Variants in CBLC observed in about 807,000 individuals in gnomAD.
CBLC encodes Cbl proto-oncogene C, also known as E3 ubiquitin-protein ligase CBL-C.
A neutral mutation model predicts 58.6 loss-of-function variants in CBLC; 46 were observed. The ratio of observed to expected loss-of-function variants is 0.79; its 90% CI spans 0.62 to 1.00. The LOEUF (loss-of-function observed/expected upper bound fraction) is 1.00, where lower values mean the gene tolerates loss of function less well. CBLC is among the 50% of genes least tolerant of loss of function. The pLI is 0.00. For missense variants in CBLC, 655 were observed against 625.8 expected (o/e 1.05, Z -0.50); for synonymous variants, 271 against 264.2 (o/e 1.03, Z -0.25).
At position 44,791,241 on chromosome 19, in the gene CBLC, G is replaced by A. The variant is rs527573767; in HGVS notation, c.1006-1142G>A. Among the ~76,000 whole-genome samples, 878 of 151,634 alleles carry A rather than the reference G, an allele frequency of 5.8e-3. 7 individuals carry two copies. The highest frequency in any genetic ancestry group is 0.02 in the African/African-American group (817 of 41,294). On this transcript the variant is annotated intron_variant, in intron 6 of 10. Transcript: ENST00000647358. Reference sequence around the variant, plus strand: ...GGATCACTTGAGCCTGGGAGTTGGCGGTTGCAGTAGGCCAAGATTGCGACC... The same window carrying A: ...GGATCACTTGAGCCTGGGAGTTGGCAGTTGCAGTAGGCCAAGATTGCGACC...
At chr19:44,796,704 C>CCTGT (rs780200053) in intron 9 of CBLC, among the ~76,000 whole-genome samples, 3 of 152,018 alleles carry the variant, frequency 2.0e-5, no homozygotes, top group Non-Finnish European at 4.4e-5. Context: ...TTTAATAAGC[C>CCTGT]CTGTCCTGGC....
intron 5 of CBLC, among the ~76,000 whole-genome samples, chr19:44,784,950 GTT>G (rs58171575): frequency 2.3e-3 from 80 of 34,372 alleles, no homozygotes; most frequent in African/African-American, 6.2e-3. Flanking sequence ...CTAGACAGGT[GTT>G]TTTTTTTTTT....
intron 9 of CBLC, among the ~76,000 whole-genome samples, chr19:44,795,485 C>G (rs1358417212): frequency 1.3e-5 from 2 of 151,910 alleles, no homozygotes; most frequent in Non-Finnish European, 2.9e-5. Context: ...CCACTGCACT[C>G]CAGCCTGGGC....
chr19:44,790,184 T>C (rs1227437814), intron 6 of CBLC, 93 bp downstream of exon 6: 3 of 935,150 alleles, frequency 3.2e-6, no homozygotes, highest in Admixed American at 1.8e-5. Flanking sequence ...GAATGTTGGC[T>C]TGGTGGCTCT....
Position 44,781,000 on chromosome 19 carries a change from A to T in CBLC, c.449A>T (p.Gln150Leu). 1 of 1,613,556 alleles carries T rather than the reference A, an allele frequency of 6.2e-7. No individual in the cohort carries two copies. The highest frequency in any genetic ancestry group is 8.5e-7 in the Non-Finnish European group (1 of 1,180,000). ...GGAAAGTACTGTGGACACATGTACCAGCTCACCAAGGCCCCCGCCCACACC... is the reference window on the plus strand; with the variant it reads ...GGAAAGTACTGTGGACACATGTACCTGCTCACCAAGGCCCCCGCCCACACC... ...PGGKYCGHMYQLTKAPAHTFW... is the reference protein window; with the variant it reads ...PGGKYCGHMYLLTKAPAHTFW... The change falls in exon 2 of 11, where the codon CAG (glutamine) becomes CTG (leucine). Residue 150 changes from glutamine (Q) to leucine (L), a missense_variant. By Grantham distance (113) the Gln-to-Leu change is moderately radical (BLOSUM62 -2). This residue lies in a region of CBLC where 280 missense variants were observed against 237.2 expected (regional missense o/e 1.18). Transcript: ENST00000647358.
At chr19:44,780,794 CTGT>C in intron 1 of CBLC, 108 bp from the exon 2 acceptor site, 16 of 1,137,654 alleles carry the variant, frequency 1.4e-5, no homozygotes, top group Non-Finnish European at 1.9e-5. Context: ...TTACCTTACA[CTGT>C]TGAGATAGAG....
At chr19:44,783,451 G>C (rs1670361523) in intron 4 of CBLC, among the ~76,000 whole-genome samples, 2 of 152,032 alleles carry the variant, frequency 1.3e-5, no homozygotes, top group Non-Finnish European at 2.9e-5. Flanking sequence ...GGAGGTTGCA[G>C]TGAGCCAAGA....
chr19:44,792,403 G>T lies in CBLC; in HGVS notation c.1026G>T (p.Trp342Cys), dbSNP rs2122488341. The T allele has an allele frequency of 6.2e-7, 1 of 1,613,514 alleles. No homozygotes were observed. Among genetic ancestry groups the T allele is most frequent in the Non-Finnish European group, 8.5e-7 (1 of 1,179,918 alleles). ...GCCAGGAGCAGCTGCAGCTCTACTG[G>T]GCCATGGACTCCACATTTGAGCTCT... ...HVSEEQLQLY[W>C]AMDSTFELCK... is the part of the protein sequence containing the mutation. The change falls in exon 7 of 11, where the codon TGG becomes TGT. Residue 342 changes from tryptophan (W) to cysteine (C), a missense_variant. Around this residue, in one of 3 missense-constraint regions of CBLC, gnomAD observed 371 missense variants for 370.8 expected, o/e 1.00. Coordinates refer to ENST00000647358, the MANE Select transcript of CBLC (RefSeq NM_012116.4).
At chr19:44,784,487 C>G (rs943564565) in intron 5 of CBLC, 86 bp downstream of exon 5, 78 of 1,337,282 alleles carry the variant, frequency 5.8e-5, no homozygotes, top group Middle Eastern at 2.0e-4. Context: ...GTGGCCACCA[C>G]GTTTGAGGGT....
chr19:44,781,908 T>C (rs866235226), intron 3 of CBLC, among the ~76,000 whole-genome samples: 76 of 69,342 alleles, frequency 1.1e-3, no homozygotes, highest in African/African-American at 3.5e-3. Context: ...GGGGCCTGGA[T>C]TCCTGGGTCT....
intron 7 of CBLC, 46 bp from the exon 8 acceptor site, chr19:44,793,428 T>A: frequency 6.5e-7 from 1 of 1,538,440 alleles, no homozygotes; most frequent in Non-Finnish European, 8.7e-7. Flanking sequence ...AGGGACAGGA[T>A]GGAGAGCAGG....
chr19:44,794,528 A>G (rs1214554681), intron 9 of CBLC, among the ~76,000 whole-genome samples: 2 of 137,974 alleles, frequency 1.4e-5, no homozygotes, highest in African/African-American at 5.6e-5. Flanking sequence ...GCAGTGGCGC[A>G]ATCTTGGCTC....
At chr19:44,799,392 G>A (rs542589593) in intron 9 of CBLC, among the ~76,000 whole-genome samples, 4 of 152,276 alleles carry the variant, frequency 2.6e-5, no homozygotes, top group African/African-American at 9.6e-5. Flanking sequence ...GAGTGCAGTG[G>A]TGCAATCTTG....
chr19:44,796,459 C>G (rs1209425534), intron 9 of CBLC, among the ~76,000 whole-genome samples: 2 of 152,222 alleles, frequency 1.3e-5, no homozygotes, highest in East Asian at 3.9e-4. Context: ...TCTCAGCTCA[C>G]TGCAACCTCC....
At chr19:44,797,901 C>G (rs1052701446) in intron 9 of CBLC, among the ~76,000 whole-genome samples, 8 of 144,890 alleles carry the variant, frequency 5.5e-5, no homozygotes, top group Non-Finnish European at 1.0e-4. Context: ...TCTCCACACC[C>G]GAATCATTTT....
intron 6 of CBLC, among the ~76,000 whole-genome samples, chr19:44,791,697 A>G (rs1968053863): frequency 6.7e-6 from 1 of 148,646 alleles, no homozygotes; most frequent in Admixed American, 6.9e-5. Flanking sequence ...GCGCCACTGC[A>G]CTCCAGCCTG....
intron 8 of CBLC, 148 bp from the exon 9 acceptor site, chr19:44,794,056 C>T (rs1173930004): frequency 2.9e-6 from 4 of 1,376,248 alleles, no homozygotes; most frequent in Non-Finnish European, 9.7e-7. Context: ...TGGCTGTAAC[C>T]CTCCTAAGTG....
rs1441915381 is a variant in CBLC at position 44,777,938 on chromosome 19, C to G, written c.7C>G (p.Leu3Val). The change falls in exon 1 of 11, where the codon CTG becomes GTG. Residue 3 changes from leucine (L) to valine (V), a missense_variant. This residue lies in a region of CBLC where 280 missense variants were observed against 237.2 expected (regional missense o/e 1.18). Coordinates refer to ENST00000647358, the MANE Select transcript of CBLC (RefSeq NM_012116.4). The stretch of plus-strand genomic sequence containing the variant: ...CGGCACACGCGAGGCTCCCATGGCT[C>G]TGGCGGTGGCCCCGTGGGGGCGACA... MA[L>V]AVAPWGRQWE... 6.3e-7 allele frequency: 1 copy of G among 1,589,854 alleles called. No homozygotes were observed. The highest frequency in any genetic ancestry group is 1.4e-5 in the African/African-American group (1 of 73,852).
At chr19:44,790,855 A>T (rs1349854388) in intron 6 of CBLC, among the ~76,000 whole-genome samples, 1 of 152,188 alleles carries the variant, frequency 6.6e-6, no homozygotes, top group African/African-American at 2.4e-5. Flanking sequence ...CGCACCCATA[A>T]TCCCAGCACT....
Sources: gnomAD v4.1 joint callset for allele counts (sites outside exome capture counted in the v4.1 genomes callset) on GRCh38, gnomAD v4.1.1 for gene constraint, gnomAD v4.1.1 regional missense constraint, MANE v1.5 for transcripts, NCBI Gene and HGNC (gene_info 2026-07-23, HGNC 2026-07-21) for gene names.